Variants in SELENOT observed in about 807,000 individuals in gnomAD.
SELENOT encodes thioredoxin reductase-like selenoprotein T.
A neutral mutation model predicts 24.3 loss-of-function variants in SELENOT; 9 were observed. The ratio of observed to expected loss-of-function variants is 0.37; its 90% confidence interval spans 0.22 to 0.65. The LOEUF is 0.65. Among genes scored for constraint, SELENOT ranks in the 30% least tolerant of loss-of-function variants. SELENOT has a pLI of 0.60. For missense variants in SELENOT, 166 were observed against 247.6 expected (o/e 0.67, Z 2.21); for synonymous variants, 81 against 86.0 (o/e 0.94, Z 0.32).
intron 1 of SELENOT, among the ~76,000 whole-genome samples, chr3:150,609,483 G>C (rs1399784174): frequency 6.6e-6 from 1 of 152,104 alleles, no homozygotes; most frequent in Non-Finnish European, 1.5e-5. Context: ...CCAAGTAGCT[G>C]AGATTACAGG....
intron 1 of SELENOT, chr3:150,611,661 C>T: frequency 6.2e-7 from 1 of 1,600,316 alleles, no homozygotes; most frequent in South Asian, 1.1e-5. Context: ...GATCCTCTTG[C>T]TGAAGCTGGC....
chr3:150,617,373 G>A (rs1384358301), intron 1 of SELENOT, among the ~76,000 whole-genome samples: 1 of 152,130 alleles, frequency 6.6e-6, no homozygotes, highest in African/African-American at 2.4e-5. Flanking sequence ...GGCCGAAGCG[G>A]GAGGATCACT....
chr3:150,609,644 G>A (rs552883948), intron 1 of SELENOT, among the ~76,000 whole-genome samples: 1 of 152,324 alleles, frequency 6.6e-6, no homozygotes, highest in African/African-American at 2.4e-5. Flanking sequence ...CCCTTGCCCA[G>A]CCTTGGTGTT....
At chr3:150,626,822 G>A in intron 4 of SELENOT, 188 bp from the exon 5 acceptor site, 1 of 550,522 alleles carries the variant, frequency 1.8e-6, no homozygotes, top group Non-Finnish European at 3.2e-6. Flanking sequence ...TTGTAATTTT[G>A]TAGCCATTTG....
intron 1 of SELENOT, among the ~76,000 whole-genome samples, chr3:150,606,306 C>G (rs1209237039): frequency 6.6e-6 from 1 of 151,848 alleles, no homozygotes; most frequent in Non-Finnish European, 1.5e-5. Flanking sequence ...CCACGCCTGG[C>G]TAATTTTCAT....
At position 150,610,378 on chromosome 3, in the gene SELENOT, G is replaced by A. The variant is rs1243526675; in HGVS notation, c.137+6879G>A. Among the ~76,000 whole-genome samples the A allele has an allele frequency of 2.0e-5, 3 of 152,124 alleles. No homozygotes were observed. In the South Asian group the frequency reaches 6.2e-4, roughly 32 times the overall value. On this transcript the variant is annotated intron_variant, in intron 1 of 5. Coordinates refer to ENST00000471696, the MANE Select transcript of SELENOT (RefSeq NM_016275.5). The stretch of plus-strand genomic sequence containing the variant: ...ATCTCAGCACTTCAAATTCAGGATG[G>A]CACTGTGTTTGGTTTTTCTTCAAGT...
chr3:150,608,856 T>C (rs995611514), intron 1 of SELENOT, among the ~76,000 whole-genome samples: 7 of 152,254 alleles, frequency 4.6e-5, no homozygotes, highest in Non-Finnish European at 8.8e-5. Flanking sequence ...CTTAAAGGTT[T>C]TATAACCTTT....
chr3:150,621,186 TG>T (rs1383693074), intron 1 of SELENOT, among the ~76,000 whole-genome samples: 1 of 152,202 alleles, frequency 6.6e-6, no homozygotes, highest in African/African-American at 2.4e-5. Flanking sequence ...TATTTAGACT[TG>T]TAAGGGACAT....
At chr3:150,607,590 G>C (rs1249780765) in intron 1 of SELENOT, among the ~76,000 whole-genome samples, 1 of 152,218 alleles carries the variant, frequency 6.6e-6, no homozygotes, top group East Asian at 1.9e-4. Flanking sequence ...TTCAATTGGT[G>C]TTAAGTGCTG....
At chr3:150,616,195 C>A (rs1726213328) in intron 1 of SELENOT, among the ~76,000 whole-genome samples, 1 of 146,848 alleles carries the variant, frequency 6.8e-6, no homozygotes, top group Non-Finnish European at 1.5e-5. Context: ...ATACAAAAAT[C>A]AATTCAAGAT....
intron 1 of SELENOT, chr3:150,611,839 G>T: frequency 1.1e-6 from 1 of 935,226 alleles, no homozygotes; most frequent in Non-Finnish European, 1.6e-6. Flanking sequence ...GGCCACTGCG[G>T]CTGCCGCCTC....
intron 3 of SELENOT, 126 bp downstream of exon 3, chr3:150,623,295 C>T: frequency 1.1e-6 from 1 of 881,582 alleles, no homozygotes; most frequent in East Asian, 3.3e-5. Flanking sequence ...TTAATTTATA[C>T]CAGTTTTATC....
intron 1 of SELENOT, among the ~76,000 whole-genome samples, chr3:150,616,608 C>T (rs1206326881): frequency 1.3e-5 from 2 of 152,176 alleles, no homozygotes; most frequent in Non-Finnish European, 2.9e-5. Flanking sequence ...AAATGCTTAC[C>T]ATCACTGGCC....
At chr3:150,620,409 A>G (rs1726312857) in intron 1 of SELENOT, among the ~76,000 whole-genome samples, 1 of 152,184 alleles carries the variant, frequency 6.6e-6, no homozygotes, top group Non-Finnish European at 1.5e-5. Flanking sequence ...GTCTAGTGGA[A>G]AGGGCCTAGG....
chr3:150,622,980 C>T, intron 2 of SELENOT, 63 bp from the exon 3 acceptor site: 1 of 1,386,840 alleles, frequency 7.2e-7, no homozygotes, highest in Middle Eastern at 2.7e-4. Flanking sequence ...ACTTGAATTA[C>T]TAAATTTTAA....
At chr3:150,612,837 T>G (rs1003259074) in intron 1 of SELENOT, among the ~76,000 whole-genome samples, 12 of 152,248 alleles carry the variant, frequency 7.9e-5, no homozygotes, top group African/African-American at 7.2e-5. Flanking sequence ...TTTATTCTTT[T>G]AATTAGACAT....
At chr3:150,622,632 A>G (rs1237336418) in intron 2 of SELENOT, 137 bp downstream of exon 2, 6 of 431,374 alleles carry the variant, frequency 1.4e-5, no homozygotes, top group Non-Finnish European at 2.1e-5. Context: ...GCTGTTTTAT[A>G]TATAACAAGT....
chr3:150,603,896 G>A lies in SELENOT; in HGVS notation c.137+397G>A, dbSNP rs567614973. ...GCGGAGGAGCGCCAACCGTTTGTCA[G>A]TTCACTTTTTCTGCCCTCTTTTCCG... On this transcript the variant is annotated intron_variant, in intron 1 of 5. Coordinates refer to ENST00000471696, the MANE Select transcript of SELENOT (RefSeq NM_016275.5). Among the ~76,000 whole-genome samples, 3 of 152,382 alleles carry A rather than the reference G, an allele frequency of 2.0e-5. No homozygotes were observed. In the South Asian group the frequency reaches 6.2e-4, roughly 32 times the overall value.
At chr3:150,604,977 C>T (rs1725926348) in intron 1 of SELENOT, among the ~76,000 whole-genome samples, 1 of 142,122 alleles carries the variant, frequency 7.0e-6, no homozygotes, top group Admixed American at 7.6e-5. Flanking sequence ...GCGGAGGTTG[C>T]GGTGAGCCGA....
Sources: gnomAD v4.1 joint callset for allele counts (sites outside exome capture counted in the v4.1 genomes callset) on GRCh38, gnomAD v4.1.1 for gene constraint, MANE v1.5 for transcripts, NCBI Gene and HGNC (gene_info 2026-07-23, HGNC 2026-07-21) for gene names.